CRACDL: variants seen among roughly 807,000 people sequenced by gnomAD.
CRACDL encodes CRACD like.
Under a neutral mutation model 70.6 loss-of-function variants are expected in CRACDL, and 26 were observed. That is an observed-to-expected ratio of 0.37 (90% CI 0.27 to 0.51). The LOEUF is 0.51. Ranked by LOEUF, CRACDL falls within the 20% of genes least tolerant of loss-of-function variation. The pLI is 0.94. For missense variants in CRACDL, 1,283 were observed against 1,376.9 expected (o/e 0.93, Z 1.08); for synonymous variants, 618 against 615.2 (o/e 1.00, Z -0.07).
intron 1 of CRACDL, chr2:98,897,472 G>C: frequency 9.3e-7 from 1 of 1,075,272 alleles, no homozygotes; most frequent in Non-Finnish European, 1.3e-6. Context: ...CAGAAAATCA[G>C]TGACTTCTGC....
chr2:98,844,476 C>T (rs987052286), intron 2 of CRACDL, among the ~76,000 whole-genome samples: 6 of 152,242 alleles, frequency 3.9e-5, no homozygotes, highest in Non-Finnish European at 8.8e-5. Flanking sequence ...CATAGTTCCC[C>T]TTTTCATAAG....
intron 1 of CRACDL, among the ~76,000 whole-genome samples, chr2:98,861,031 T>A (rs1340601201): frequency 6.6e-6 from 1 of 152,198 alleles, no homozygotes; most frequent in Non-Finnish European, 1.5e-5. Context: ...GAAAAGATGC[T>A]CAACCCTCTT....
At chr2:98,891,721 A>T (rs1455577548) in intron 1 of CRACDL, among the ~76,000 whole-genome samples, 6 of 152,146 alleles carry the variant, frequency 3.9e-5, no homozygotes, top group Non-Finnish European at 7.3e-5. Flanking sequence ...TTTTTGTCCT[A>T]AAAGTATGTG....
At chr2:98,888,865 C>T (rs1573149103) in intron 1 of CRACDL, among the ~76,000 whole-genome samples, 1 of 152,284 alleles carries the variant, frequency 6.6e-6, no homozygotes, top group South Asian at 2.1e-4. Flanking sequence ...CGCAGTGGCT[C>T]ACGCCTGTAA....
chr2:98,821,713 G>A (rs946984851), intron 7 of CRACDL, 144 bp downstream of exon 7: 1 of 1,096,474 alleles, frequency 9.1e-7, no homozygotes, highest in Non-Finnish European at 1.3e-6. Context: ...GATCAGACAT[G>A]ATGTTAGTGG....
At position 98,795,068 on chromosome 2, in the gene CRACDL, TA is replaced by T. The variant is rs1358647537; in HGVS notation, c.2750-398del. Among the ~76,000 whole-genome samples the T allele has an allele frequency of 7.8e-5, 5 of 64,250 alleles. 1 individual carries two copies. Among genetic ancestry groups the T allele is most frequent in the Non-Finnish European group, 1.6e-4 (5 of 31,980 alleles). The allele number at this position is 64,250 out of a possible 152,430, so 42.2% of individuals were successfully genotyped here. On this transcript the variant is annotated intron_variant, in intron 9 of 9. Coordinates refer to ENST00000397899, the MANE Select transcript of CRACDL (RefSeq NM_207362.3). Reference sequence around the variant, plus strand: ...ATATATATATATATATATATATATATATATATATATTTTTTTTTTTTTTTGA... The same window carrying T: ...ATATATATATATATATATATATATATTATATATATTTTTTTTTTTTTTTGA...
At position 98,891,376 on chromosome 2, in the gene CRACDL, C is replaced by CAAAA. The variant is rs548988640; in HGVS notation, c.-11+44558_-11+44561dup. ...TGGGTGACAGAGGGAGACTCCGTCT[C>CAAAA]AAAAAAAAAAAAAAAAAAAAAAAAA... On this transcript the variant is annotated intron_variant, in intron 1 of 9. Coordinates refer to ENST00000397899, the MANE Select transcript of CRACDL (RefSeq NM_207362.3). 3.6e-3 allele frequency among the ~76,000 whole-genome samples: 138 copies of CAAAA among 37,878 alleles called. 7 individuals are homozygous for CAAAA. Among genetic ancestry groups the CAAAA allele is most frequent in the Non-Finnish European group, 5.5e-3 (107 of 19,440 alleles). The allele number at this position is 37,878 out of a possible 152,430, so 24.8% of individuals were successfully genotyped here. A position where few individuals can be genotyped will look rare whatever the true frequency, so the allele number is the denominator to read the frequency against.
chr2:98,910,821 G>A (rs1033633174), intron 1 of CRACDL, among the ~76,000 whole-genome samples: 1 of 152,326 alleles, frequency 6.6e-6, no homozygotes, highest in East Asian at 1.9e-4. Context: ...TCTGCAAAGT[G>A]GAGCCAATAA....
At chr2:98,915,121 GAC>G (rs1368163018) in intron 1 of CRACDL, among the ~76,000 whole-genome samples, 12 of 152,200 alleles carry the variant, frequency 7.9e-5, no homozygotes, top group Non-Finnish European at 1.8e-4. Flanking sequence ...GAGGAAGGTC[GAC>G]CAGGACAGGA....
intron 1 of CRACDL, among the ~76,000 whole-genome samples, chr2:98,860,106 A>T (rs1402987838): frequency 6.6e-6 from 1 of 152,198 alleles, no homozygotes; most frequent in Non-Finnish European, 1.5e-5. Context: ...AGGAGGTAGA[A>T]CACTTGTACA....
At chr2:98,891,686 T>C (rs1707985370) in intron 1 of CRACDL, among the ~76,000 whole-genome samples, 1 of 152,208 alleles carries the variant, frequency 6.6e-6, no homozygotes, top group Admixed American at 6.5e-5. Context: ...TGGAAGGCTG[T>C]ATACAAATCA....
intron 7 of CRACDL, among the ~76,000 whole-genome samples, chr2:98,817,683 G>A: frequency 6.6e-6 from 1 of 152,172 alleles, no homozygotes. Flanking sequence ...GAGCTTGCAT[G>A]GCAGGAGGAC....
chr2:98,800,417 G>C (rs1704025271), intron 7 of CRACDL, among the ~76,000 whole-genome samples: 2 of 152,064 alleles, frequency 1.3e-5, no homozygotes, highest in Non-Finnish European at 2.9e-5. Flanking sequence ...GTCCATAATG[G>C]GGACACTGTG....
At chr2:98,841,326 A>C (rs1706017502) in intron 2 of CRACDL, among the ~76,000 whole-genome samples, 2 of 152,170 alleles carry the variant, frequency 1.3e-5, no homozygotes, top group South Asian at 4.1e-4. Flanking sequence ...AAACAAGTCT[A>C]TCATCTTATG....
At chr2:98,915,073 G>T (rs1052936277) in intron 1 of CRACDL, among the ~76,000 whole-genome samples, 3 of 152,236 alleles carry the variant, frequency 2.0e-5, no homozygotes, top group Non-Finnish European at 4.4e-5. Context: ...TTTTGAGGGG[G>T]TTGGCAAAGG....
chr2:98,879,011 A>G (rs1364405829), intron 1 of CRACDL, among the ~76,000 whole-genome samples: 1 of 152,146 alleles, frequency 6.6e-6, no homozygotes, highest in Non-Finnish European at 1.5e-5. Context: ...CCTCACCTCC[A>G]GCCATTACCA....
At position 98,891,376 on chromosome 2, in the gene CRACDL, C is replaced by CAAAAAAAA. The variant is rs548988640; in HGVS notation, c.-11+44554_-11+44561dup. Among the ~76,000 whole-genome samples the CAAAAAAAA allele has an allele frequency of 6.2e-3, 234 of 37,888 alleles. 26 individuals are homozygous for CAAAAAAAA. The highest frequency in any genetic ancestry group is 0.021 in the African/African-American group (193 of 9,224). The allele number at this position is 37,888 out of a possible 152,430, so 24.9% of individuals were successfully genotyped here. ...TGGGTGACAGAGGGAGACTCCGTCTCAAAAAAAAAAAAAAAAAAAAAAAAA... is the reference window on the plus strand; with the variant it reads ...TGGGTGACAGAGGGAGACTCCGTCTCAAAAAAAAAAAAAAAAAAAAAAAAAAAAAAAAA... On this transcript the variant is annotated intron_variant, in intron 1 of 9. Transcript: ENST00000397899.
intron 1 of CRACDL, among the ~76,000 whole-genome samples, chr2:98,850,702 G>A (rs190230844): frequency 5.3e-5 from 8 of 152,312 alleles, no homozygotes; most frequent in Admixed American, 4.6e-4. Context: ...CCAGAGGGCT[G>A]AGCCTCCAGG....
At chr2:98,806,642 G>C (rs1704309522) in intron 7 of CRACDL, among the ~76,000 whole-genome samples, 1 of 152,246 alleles carries the variant, frequency 6.6e-6, no homozygotes, top group South Asian at 2.1e-4. Context: ...CCTCCACAGA[G>C]ACAGCTGGTC....
Sources: allele counts gnomAD v4.1 joint callset (sites outside exome capture counted in the v4.1 genomes callset), GRCh38; gene constraint gnomAD v4.1.1; transcripts MANE v1.5; gene names NCBI Gene and HGNC (gene_info 2026-07-23, HGNC 2026-07-21).